LHFPL3: variants seen among roughly 807,000 people sequenced by gnomAD.
LHFPL3 encodes LHFPL tetraspan subfamily member 3 protein.
LHFPL3 carries 5 observed loss-of-function variants against 19.3 expected under a neutral mutation model. The ratio of observed to expected loss-of-function variants is 0.26; its 90% CI spans 0.14 to 0.54. The LOEUF is 0.54. Among genes scored for constraint, LHFPL3 ranks in the 20% least tolerant of loss-of-function variants. The probability of loss-of-function intolerance (pLI) is 0.94; values close to 1 mark genes in which losing one functional copy is unlikely to be tolerated. For synonymous variants in LHFPL3, 133 were observed against 126.2 expected (o/e 1.05, Z -0.36); for missense variants, 249 against 307.4 (o/e 0.81, Z 1.42).
At chr7:104,509,541 G>A (rs1477692875) in intron 1 of LHFPL3, among the ~76,000 whole-genome samples, 1 of 151,686 alleles carries the variant, frequency 6.6e-6, no homozygotes, top group African/African-American at 2.4e-5. Flanking sequence ...ACCCATTCAT[G>A]GTCTAAAAAA....
rs55922716 is a variant in LHFPL3 at position 104,693,696 on chromosome 7, CT to C, written c.446-42964del. On this transcript the variant is annotated intron_variant, in intron 1 of 2. Coordinates refer to ENST00000424859, the MANE Select transcript of LHFPL3 (RefSeq NM_199000.3). ...GAGTCAATTAAACCTCTTTTCTTTT[CT>C]TTTTTTTTTTTTTTAAAGACAGAGT... 5.7e-3 allele frequency among the ~76,000 whole-genome samples: 804 copies of C among 140,310 alleles called. 1 individual carries two copies. Among genetic ancestry groups the C allele is most frequent in the African/African-American group, 7.8e-3 (299 of 38,404 alleles). The allele number at this position is 140,310 out of a possible 152,430, so 92.0% of individuals were successfully genotyped here.
intron 2 of LHFPL3, chr7:104,798,532 T>C (rs1434390274): frequency 6.6e-6 from 1 of 152,232 alleles, no homozygotes; most frequent in Non-Finnish European, 1.5e-5. Context: ...ACCTATGCAA[T>C]GTTTATTGCT....
At position 104,521,820 on chromosome 7, in the gene LHFPL3, A is replaced by T. The variant is rs554904019; in HGVS notation, c.445+192596A>T. Among the ~76,000 whole-genome samples the T allele has an allele frequency of 2.4e-4, 36 of 152,330 alleles. No homozygotes were observed. The East Asian group carries it at 6.7e-3, about 29-fold the overall frequency. ...ATCACTGGCCATCAGAGAAATGCAA[A>T]TCAAAACCACAATGAGATACCATCT... On this transcript the variant is annotated intron_variant, in intron 1 of 2. Transcript: ENST00000424859.
chr7:104,545,039 C>G (rs1426400906), intron 1 of LHFPL3, among the ~76,000 whole-genome samples: 1 of 152,142 alleles, frequency 6.6e-6, no homozygotes, highest in African/African-American at 2.4e-5. Context: ...GAATTCAAAG[C>G]TTTGTGTCTT....
At chr7:104,504,774 A>C (rs748668035) in intron 1 of LHFPL3, among the ~76,000 whole-genome samples, 1 of 152,224 alleles carries the variant, frequency 6.6e-6, no homozygotes, top group Non-Finnish European at 1.5e-5. Context: ...TAAAACCAGA[A>C]TTCAAGATAA....
At position 104,736,860 on chromosome 7, in the gene LHFPL3, G is replaced by A; in HGVS notation, c.631G>A (p.Gly211Ser). The change falls in exon 2 of 3, where the codon GGT becomes AGT. Residue 211 changes from glycine (G) to serine (S), a missense_variant. Coordinates refer to ENST00000424859, the MANE Select transcript of LHFPL3 (RefSeq NM_199000.3). ...LILSFLAFVL[G>S]NRQDSLMAEE... ...CCTCTCATTTCTAGCATTTGTGCTT[G>A]GTAATCGACAAGACAGCTTGATGGC... 1 of 1,611,842 alleles carries A rather than the reference G, an allele frequency of 6.2e-7. No individual in the cohort carries two copies. Among genetic ancestry groups the A allele is most frequent in the Non-Finnish European group, 8.5e-7 (1 of 1,179,072 alleles).
chr7:104,814,162 G>A (rs1021261516), intron 2 of LHFPL3, among the ~76,000 whole-genome samples: 2 of 152,080 alleles, frequency 1.3e-5, no homozygotes, highest in Non-Finnish European at 2.9e-5. Flanking sequence ...TCCTAGCAGA[G>A]GGTAGCTCCT....
At chr7:104,822,440 T>C (rs545729570) in intron 2 of LHFPL3, among the ~76,000 whole-genome samples, 34 of 152,326 alleles carry the variant, frequency 2.2e-4, no homozygotes, top group South Asian at 8.3e-4. Flanking sequence ...CTCACCACTA[T>C]TGACATTATG....
At chr7:104,849,785 C>T (rs1562813873) in intron 2 of LHFPL3, among the ~76,000 whole-genome samples, 1 of 152,236 alleles carries the variant, frequency 6.6e-6, no homozygotes, top group Non-Finnish European at 1.5e-5. Context: ...TTCCTTCCTT[C>T]TGGATGTGGG....
chr7:104,558,280 T>C lies in LHFPL3; in HGVS notation c.446-178395T>C, dbSNP rs1421375884. 2.0e-5 allele frequency among the ~76,000 whole-genome samples: 3 copies of C among 150,040 alleles called. No individual in the cohort carries two copies. In the South Asian group the frequency reaches 6.4e-4, roughly 32 times the overall value. On this transcript the variant is annotated intron_variant, in intron 1 of 2. Transcript: ENST00000424859. ...CTGACTTCCACAATGGTTGAACTAG[T>C]TTACAGTCCCACCAACAGTGTAAAA...
At chr7:104,712,442 C>T (rs929382021) in intron 1 of LHFPL3, among the ~76,000 whole-genome samples, 4 of 152,218 alleles carry the variant, frequency 2.6e-5, no homozygotes, top group African/African-American at 9.7e-5. Flanking sequence ...GCACTAATCA[C>T]ATTCATGAGG....
chr7:104,502,020 A>G (rs1191566034), intron 1 of LHFPL3, among the ~76,000 whole-genome samples: 1 of 152,236 alleles, frequency 6.6e-6, no homozygotes, highest in African/African-American at 2.4e-5. Flanking sequence ...ATGCATTTGG[A>G]CAATGAGGTG....
At chr7:104,570,084 T>C (rs1336095347) in intron 1 of LHFPL3, among the ~76,000 whole-genome samples, 1 of 152,280 alleles carries the variant, frequency 6.6e-6, no homozygotes, top group East Asian at 1.9e-4. Flanking sequence ...AAGTGCTGGC[T>C]TAAATTAGAC....
chr7:104,648,931 G>A (rs1791977946), intron 1 of LHFPL3, among the ~76,000 whole-genome samples: 1 of 152,134 alleles, frequency 6.6e-6, no homozygotes, highest in Non-Finnish European at 1.5e-5. Flanking sequence ...TGTTCTGTCC[G>A]CCATCCAACA....
At chr7:104,687,707 C>T (rs1192459437) in intron 1 of LHFPL3, among the ~76,000 whole-genome samples, 2 of 152,194 alleles carry the variant, frequency 1.3e-5, no homozygotes, top group African/African-American at 4.8e-5. Context: ...AGTTCCCTAT[C>T]TGGACCAGCA....
At chr7:104,346,072 G>A (rs1365523325) in intron 1 of LHFPL3, among the ~76,000 whole-genome samples, 1 of 134,202 alleles carries the variant, frequency 7.5e-6, no homozygotes, top group Admixed American at 8.1e-5. Context: ...GTCTCTCTCT[G>A]TTGCCCAGGC....
intron 1 of LHFPL3, among the ~76,000 whole-genome samples, chr7:104,469,134 A>G (rs1403229152): frequency 6.6e-6 from 1 of 152,180 alleles, no homozygotes; most frequent in Non-Finnish European, 1.5e-5. Context: ...ACTGGAGTAA[A>G]TAGAGTGAGT....
intron 1 of LHFPL3, among the ~76,000 whole-genome samples, chr7:104,406,995 G>T (rs530302550): frequency 6.6e-6 from 1 of 152,192 alleles, no homozygotes; most frequent in Non-Finnish European, 1.5e-5. Context: ...CCACTTACCA[G>T]CTACTTGATT....
intron 1 of LHFPL3, among the ~76,000 whole-genome samples, chr7:104,501,659 C>T (rs1793601044): frequency 6.6e-6 from 1 of 152,174 alleles, no homozygotes; most frequent in Admixed American, 6.5e-5. Flanking sequence ...ATAAACTACC[C>T]TGAATTGAAA....
Sources: gnomAD v4.1 joint callset for allele counts (sites outside exome capture counted in the v4.1 genomes callset) on GRCh38, gnomAD v4.1.1 for gene constraint, MANE v1.5 for transcripts, NCBI Gene and HGNC (gene_info 2026-07-23, HGNC 2026-07-21) for gene names.